C1QTNF3: variants seen among roughly 807,000 people sequenced by gnomAD.
C1QTNF3 encodes the protein C1q and TNF related 3.
Under a neutral mutation model 32.6 loss-of-function variants are expected in C1QTNF3, and 26 were observed. That is an observed-to-expected ratio of 0.80 (90% CI 0.58 to 1.11). C1QTNF3 has a LOEUF of 1.11. Among genes scored for constraint, C1QTNF3 ranks in the 50% least tolerant of loss-of-function variants. C1QTNF3 has a pLI of 0.00. For synonymous variants in C1QTNF3, 155 were observed against 146.0 expected, an observed-to-expected ratio of 1.06 and a Z score of -0.44; for missense variants, 362 against 398.2, an observed-to-expected ratio of 0.91 and a Z score of 0.77.
chr5:34,017,970 C>T lies in C1QTNF3; in HGVS notation c.*2613G>A, dbSNP rs1428360963. 6.6e-6 allele frequency among the ~76,000 whole-genome samples: 1 copy of T among 151,698 alleles called. No homozygotes were observed. The highest frequency in any genetic ancestry group is 2.4e-5 in the African/African-American group (1 of 41,310). ...AGGAAAGTTAAATAAATTATGCAGT[C>T]ATTAAAATTATGTTTTCAAATTGTC... On this transcript the variant is annotated 3_prime_UTR_variant, in exon 6 of 6. Coordinates refer to ENST00000382065, the MANE Select transcript of C1QTNF3 (RefSeq NM_181435.6).
chr5:34,028,133 C>T (rs1335542183), intron 4 of C1QTNF3, among the ~76,000 whole-genome samples: 3 of 152,060 alleles, frequency 2.0e-5, no homozygotes, highest in African/African-American at 4.8e-5. Context: ...CCACCACGCC[C>T]GGCTAATATT....
upstream of C1QTNF3, chr5:34,043,458 T>C (rs1192454362): frequency 6.3e-6 from 2 of 316,160 alleles, no homozygotes; most frequent in East Asian, 6.5e-5. Context: ...ACAGAGAGCA[T>C]GTGTCCAGCA....
the C1QTNF3 span, among the ~76,000 whole-genome samples, chr5:34,143,316 T>C: frequency 6.6e-6 from 1 of 152,170 alleles, no homozygotes; most frequent in Non-Finnish European, 1.5e-5. Flanking sequence ...TTGCAATTCC[T>C]GGGAGAAAAG....
chr5:34,224,421 C>T, the C1QTNF3 span, among the ~76,000 whole-genome samples: 1 of 152,160 alleles, frequency 6.6e-6, no homozygotes, highest in Non-Finnish European at 1.5e-5. Flanking sequence ...GCTACAGTAA[C>T]CAAAACAGCA....
chr5:34,068,351 C>T, the C1QTNF3 span, among the ~76,000 whole-genome samples: 1 of 152,026 alleles, frequency 6.6e-6, no homozygotes, highest in African/African-American at 2.4e-5. Flanking sequence ...TTATATTCTA[C>T]AGCCTGAAAA....
chr5:34,076,535 T>C, the C1QTNF3 span, among the ~76,000 whole-genome samples: 1 of 151,480 alleles, frequency 6.6e-6, no homozygotes, highest in Non-Finnish European at 1.5e-5. Context: ...TATAGAAAAC[T>C]TGGCTCTCCA....
the C1QTNF3 span, among the ~76,000 whole-genome samples, chr5:34,147,263 A>G: frequency 6.6e-6 from 1 of 152,222 alleles, no homozygotes; most frequent in Non-Finnish European, 1.5e-5. Context: ...TTTCTCAAAG[A>G]ACTTATCATA....
chr5:34,123,049 T>C, the C1QTNF3 span, among the ~76,000 whole-genome samples: 1 of 151,472 alleles, frequency 6.6e-6, no homozygotes, highest in African/African-American at 2.4e-5. Flanking sequence ...CTTAGCGAAG[T>C]GTGTATTTCA....
At chr5:34,024,046 A>C in intron 4 of C1QTNF3, 38 bp from the exon 5 acceptor site, 1 of 1,529,092 alleles carries the variant, frequency 6.5e-7, no homozygotes, top group Non-Finnish European at 9.0e-7. Flanking sequence ...TGATATTAAC[A>C]TGTTATACAT....
chr5:34,120,572 G>C, the C1QTNF3 span, among the ~76,000 whole-genome samples: 4 of 152,278 alleles, frequency 2.6e-5, no homozygotes, highest in African/African-American at 9.6e-5. Context: ...CGTGTTGTGG[G>C]AGGGAACTGT....
Position 34,035,691 on chromosome 5 carries a change from C to T in C1QTNF3, c.371G>A (p.Gly124Asp). The T allele has an allele frequency of 6.2e-7, 1 of 1,611,598 alleles. No homozygotes were observed. The highest frequency in any genetic ancestry group is 8.5e-7 in the Non-Finnish European group (1 of 1,179,364). ...CGGTGGCCCAGGGGGGCCTTGGTAG[C>T]CTCGAAAGCTGTAGTCTCCATGACA... ...KCCHGDYSFR[G>D]YQGPPGPPGP... The change falls in exon 2 of 6, where the codon GGC becomes GAC. Residue 124 changes from glycine (G) to aspartate (D), a missense_variant. Physicochemically the swap from Gly to Asp is moderately conservative, Grantham distance 94. Coordinates refer to ENST00000382065, the MANE Select transcript of C1QTNF3 (RefSeq NM_181435.6).
At chr5:34,172,885 T>C in the C1QTNF3 span, among the ~76,000 whole-genome samples, 1 of 152,212 alleles carries the variant, frequency 6.6e-6, no homozygotes, top group Non-Finnish European at 1.5e-5. Flanking sequence ...AATTCCGGTT[T>C]ATTTTGCCAT....
chr5:34,209,856 C>T, the C1QTNF3 span, among the ~76,000 whole-genome samples: 5 of 152,116 alleles, frequency 3.3e-5, no homozygotes, highest in African/African-American at 1.2e-4. Context: ...ATTTCCTAAA[C>T]TAACGATTTT....
At chr5:34,217,744 T>C in the C1QTNF3 span, among the ~76,000 whole-genome samples, 16 of 152,060 alleles carry the variant, frequency 1.1e-4, no homozygotes, top group Non-Finnish European at 2.1e-4. Context: ...TCATGACATA[T>C]ACAATACAGA....
At chr5:34,210,772 A>T in the C1QTNF3 span, among the ~76,000 whole-genome samples, 2 of 152,092 alleles carry the variant, frequency 1.3e-5, no homozygotes, top group Non-Finnish European at 2.9e-5. Flanking sequence ...TGTGAACTAT[A>T]TAGCTGTCCC....
chr5:34,129,036 T>C, the C1QTNF3 span, among the ~76,000 whole-genome samples: 12 of 152,076 alleles, frequency 7.9e-5, no homozygotes, highest in East Asian at 3.9e-4. Context: ...TGGGAGGTAA[T>C]TGAATCATGG....
chr5:34,161,085 C>T, the C1QTNF3 span, among the ~76,000 whole-genome samples: 4 of 152,162 alleles, frequency 2.6e-5, no homozygotes, highest in Admixed American at 2.0e-4. Context: ...CATCACTTGG[C>T]AGCTGGAGAT....
At chr5:34,146,351 A>G in the C1QTNF3 span, among the ~76,000 whole-genome samples, 2 of 152,362 alleles carry the variant, frequency 1.3e-5, no homozygotes. Flanking sequence ...AAGATCCTAA[A>G]TAACCAATGC....
At chr5:34,155,194 T>C in the C1QTNF3 span, among the ~76,000 whole-genome samples, 4 of 152,310 alleles carry the variant, frequency 2.6e-5, no homozygotes, top group East Asian at 5.8e-4. Context: ...TTTGGTCCTA[T>C]AATTGGCTGT....
Sources: gnomAD v4.1 joint callset for allele counts (sites outside exome capture counted in the v4.1 genomes callset) on GRCh38, gnomAD v4.1.1 for gene constraint, MANE v1.5 for transcripts, NCBI Gene and HGNC (gene_info 2026-07-23, HGNC 2026-07-21) for gene names.